Variants in ARHGAP42 observed in about 807,000 individuals in gnomAD.
ARHGAP42 encodes the protein rho GTPase-activating protein 42.
ARHGAP42 carries 63 observed loss-of-function variants against 125.0 expected under a neutral mutation model. That is an observed-to-expected ratio of 0.50 (90% confidence interval 0.41 to 0.62). The LOEUF (loss-of-function observed/expected upper bound fraction) is 0.62. ARHGAP42 is among the 20% of genes least tolerant of loss of function. The pLI, the probability that ARHGAP42 is intolerant of heterozygous loss-of-function variation, is 0.00. For missense variants in ARHGAP42, 766 were observed against 1,024.2 expected, an observed-to-expected ratio of 0.75 and a Z score of 3.44; for synonymous variants, 339 against 351.0, an observed-to-expected ratio of 0.97 and a Z score of 0.38.
At chr11:100,862,452 C>A (rs1290907632) in intron 4 of ARHGAP42, among the ~76,000 whole-genome samples, 4 of 152,134 alleles carry the variant, frequency 2.6e-5, no homozygotes, top group Non-Finnish European at 5.9e-5. Context: ...AGTTATCTTA[C>A]AGTTGCAGTG....
At chr11:100,874,871 C>T (rs966973490) in intron 4 of ARHGAP42, among the ~76,000 whole-genome samples, 1 of 152,144 alleles carries the variant, frequency 6.6e-6, no homozygotes, top group African/African-American at 2.4e-5. Flanking sequence ...AATCCAGTGT[C>T]TTCTGTGCTG....
chr11:100,966,208 G>C (rs904216508), intron 17 of ARHGAP42, among the ~76,000 whole-genome samples: 3 of 151,960 alleles, frequency 2.0e-5, no homozygotes, highest in East Asian at 1.9e-4. Flanking sequence ...GATTTCACTT[G>C]ATCTCTGGAG....
At chr11:100,824,933 G>T (rs1415281239) in intron 3 of ARHGAP42, among the ~76,000 whole-genome samples, 2 of 152,208 alleles carry the variant, frequency 1.3e-5, no homozygotes, top group African/African-American at 4.8e-5. Flanking sequence ...ACATAGCACA[G>T]CTGGGCTGAA....
At chr11:100,696,943 G>A (rs1861294245) in intron 1 of ARHGAP42, among the ~76,000 whole-genome samples, 1 of 152,130 alleles carries the variant, frequency 6.6e-6, no homozygotes, top group Non-Finnish European at 1.5e-5. Flanking sequence ...ATACTGGAGA[G>A]TGTCTTCTAT....
chr11:100,787,023 A>G (rs1863452098), intron 2 of ARHGAP42, among the ~76,000 whole-genome samples: 1 of 152,030 alleles, frequency 6.6e-6, no homozygotes, highest in Admixed American at 6.6e-5. Context: ...CACACCCGTA[A>G]TCCCAGCATT....
chr11:100,835,438 G>A (rs767516005), intron 3 of ARHGAP42, among the ~76,000 whole-genome samples: 18 of 152,040 alleles, frequency 1.2e-4, no homozygotes, highest in Non-Finnish European at 1.6e-4. Context: ...GAGTTTTGTC[G>A]TGTTGTTTGG....
chr11:100,881,979 C>T (rs1865973447), intron 4 of ARHGAP42, among the ~76,000 whole-genome samples: 1 of 152,126 alleles, frequency 6.6e-6, no homozygotes, highest in African/African-American at 2.4e-5. Context: ...CTTTTATCAG[C>T]TCCAGGAGCT....
At chr11:100,870,458 T>A (rs17653824) in intron 4 of ARHGAP42, among the ~76,000 whole-genome samples, 15,898 of 152,294 alleles carry the variant, frequency 0.1, 854 homozygotes, top group African/African-American at 0.12. Context: ...CTACAGAGAA[T>A]TTATTCTAAA....
intron 1 of ARHGAP42, among the ~76,000 whole-genome samples, chr11:100,761,230 CACAG>C: frequency 6.6e-6 from 1 of 152,156 alleles, no homozygotes; most frequent in Non-Finnish European, 1.5e-5. Flanking sequence ...GTAGAGATAA[CACAG>C]ACAGTACTTT....
At chr11:100,980,415 A>T (rs983442638) in intron 22 of ARHGAP42, among the ~76,000 whole-genome samples, 1 of 152,072 alleles carries the variant, frequency 6.6e-6, no homozygotes, top group African/African-American at 2.4e-5. Flanking sequence ...CCTGTTAAGT[A>T]AAAACTCAGG....
At chr11:100,838,541 C>T (rs1284324517) in intron 3 of ARHGAP42, among the ~76,000 whole-genome samples, 1 of 151,616 alleles carries the variant, frequency 6.6e-6, no homozygotes. Flanking sequence ...CTTGCCTCTA[C>T]AAAAAATCAA....
chr11:100,866,531 T>C (rs1032771601), intron 4 of ARHGAP42, among the ~76,000 whole-genome samples: 1 of 152,170 alleles, frequency 6.6e-6, no homozygotes. Context: ...GAAAAGAGGT[T>C]TAATTGACTC....
At chr11:100,806,409 C>A (rs942572628) in intron 3 of ARHGAP42, among the ~76,000 whole-genome samples, 2 of 151,964 alleles carry the variant, frequency 1.3e-5, no homozygotes, top group Non-Finnish European at 1.5e-5. Context: ...TGCTTAAGTG[C>A]GATTATCTGT....
chr11:100,950,304 TA>T (rs1857613550), intron 12 of ARHGAP42, among the ~76,000 whole-genome samples: 1 of 147,532 alleles, frequency 6.8e-6, no homozygotes, highest in Admixed American at 6.8e-5. Context: ...TATATATTAA[TA>T]AATATATAAT....
chr11:100,688,579 C>G (rs1234975506), intron 1 of ARHGAP42, among the ~76,000 whole-genome samples: 1 of 152,160 alleles, frequency 6.6e-6, no homozygotes, highest in Non-Finnish European at 1.5e-5. Flanking sequence ...TTTCCTTCCT[C>G]CTTTTATCCT....
chr11:100,756,890 G>A (rs1031367966), intron 1 of ARHGAP42, among the ~76,000 whole-genome samples: 5 of 152,096 alleles, frequency 3.3e-5, no homozygotes, highest in Non-Finnish European at 5.9e-5. Flanking sequence ...AGGTGAATGA[G>A]TTTTACTTTG....
chr11:100,742,423 T>C (rs1862209220), intron 1 of ARHGAP42, among the ~76,000 whole-genome samples: 1 of 152,196 alleles, frequency 6.6e-6, no homozygotes, highest in Non-Finnish European at 1.5e-5. Flanking sequence ...GTTTCTACTT[T>C]TCAAGGTTCA....
intron 6 of ARHGAP42, among the ~76,000 whole-genome samples, chr11:100,924,057 C>T (rs1442101211): frequency 1.3e-5 from 2 of 152,018 alleles, no homozygotes; most frequent in East Asian, 1.9e-4. Flanking sequence ...ATGTTTTTGC[C>T]GGTTTTATTC....
chr11:100,806,272 A>G (rs529877648), intron 3 of ARHGAP42, among the ~76,000 whole-genome samples: 1 of 152,298 alleles, frequency 6.6e-6, no homozygotes, highest in South Asian at 2.1e-4. Flanking sequence ...AGAATTACGT[A>G]TCCCCATTTC....
Sources: gnomAD v4.1 joint callset for allele counts (sites outside exome capture counted in the v4.1 genomes callset) on GRCh38, gnomAD v4.1.1 for gene constraint, MANE v1.5 for transcripts, NCBI Gene and HGNC (gene_info 2026-07-23, HGNC 2026-07-21) for gene names.